The following GABBR2 variants were observed in gnomAD, a reference collection of about 807,000 sequenced individuals.
GABBR2 encodes gamma-aminobutyric acid type B receptor subunit 2.
GABBR2 carries 23 observed loss-of-function variants against 105.6 expected under a neutral mutation model. The observed-to-expected ratio is 0.22, with a 90% confidence interval of 0.16 to 0.31. The LOEUF (loss-of-function observed/expected upper bound fraction) is 0.31, where lower values mean the gene tolerates loss of function less well. Ranked by LOEUF, GABBR2 falls within the 10% of genes least tolerant of loss-of-function variation. The pLI is 1.00. For missense variants in GABBR2, 734 were observed against 1,245.5 expected, an observed-to-expected ratio of 0.59 and a Z score of 6.18; for synonymous variants, 478 against 499.7, an observed-to-expected ratio of 0.96 and a Z score of 0.58.
At chr9:98,655,948 A>G (rs186650404) in intron 1 of GABBR2, among the ~76,000 whole-genome samples, 14 of 152,322 alleles carry the variant, frequency 9.2e-5, no homozygotes, top group Admixed American at 9.1e-4. Context: ...ACAAACCTGC[A>G]TGTTCTGCCC....
chr9:98,316,399 G>T (rs755383260), intron 13 of GABBR2, among the ~76,000 whole-genome samples: 6 of 152,214 alleles, frequency 3.9e-5, no homozygotes, highest in Non-Finnish European at 7.3e-5. Context: ...TGGTCTGCCT[G>T]CCTCAGCCTC....
intron 2 of GABBR2, among the ~76,000 whole-genome samples, chr9:98,564,261 G>T (rs1174052144): frequency 6.6e-6 from 1 of 152,196 alleles, no homozygotes; most frequent in Non-Finnish European, 1.5e-5. Context: ...CCCCAGAGAG[G>T]CCACTCTTAG....
At chr9:98,552,958 C>A (rs115972130) in intron 2 of GABBR2, among the ~76,000 whole-genome samples, 2,349 of 152,176 alleles carry the variant, frequency 0.015, 59 homozygotes, top group African/African-American at 0.053. Flanking sequence ...CTCACTGCAG[C>A]CCGGAACTCT....
chr9:98,503,357 C>A (rs1214431955), intron 3 of GABBR2, among the ~76,000 whole-genome samples: 1 of 152,160 alleles, frequency 6.6e-6, no homozygotes, highest in African/African-American at 2.4e-5. Flanking sequence ...CCTTCCAGTT[C>A]ACGTGAAGGA....
At chr9:98,581,815 C>A (rs1157793708) in intron 1 of GABBR2, among the ~76,000 whole-genome samples, 1 of 152,152 alleles carries the variant, frequency 6.6e-6, no homozygotes, top group Non-Finnish European at 1.5e-5. Flanking sequence ...ATCAAAGTTG[C>A]ATTAAATAAT....
At chr9:98,640,094 A>G (rs1473949923) in intron 1 of GABBR2, among the ~76,000 whole-genome samples, 1 of 148,664 alleles carries the variant, frequency 6.7e-6, no homozygotes, top group Non-Finnish European at 1.5e-5. Context: ...AATAGTTTTT[A>G]AAGTTTTGAG....
At chr9:98,324,071 C>G (rs1401028607) in intron 13 of GABBR2, among the ~76,000 whole-genome samples, 1 of 152,182 alleles carries the variant, frequency 6.6e-6, no homozygotes, top group Non-Finnish European at 1.5e-5. Context: ...TGGGCTGGAA[C>G]TTACCCAAGC....
At chr9:98,707,049 C>T (rs1010288688) in intron 1 of GABBR2, among the ~76,000 whole-genome samples, 3 of 152,238 alleles carry the variant, frequency 2.0e-5, no homozygotes, top group African/African-American at 7.2e-5. Context: ...CCAACTGCCA[C>T]CGGTTCCTTC....
intron 6 of GABBR2, among the ~76,000 whole-genome samples, chr9:98,460,843 C>G (rs1029327814): frequency 6.6e-6 from 1 of 151,954 alleles, no homozygotes; most frequent in South Asian, 2.1e-4. Context: ...AAGTTCACTT[C>G]AGCACAGTGT....
chr9:98,446,085 G>A (rs1385790029), intron 7 of GABBR2, among the ~76,000 whole-genome samples: 1 of 152,176 alleles, frequency 6.6e-6, no homozygotes, highest in African/African-American at 2.4e-5. Flanking sequence ...TTGGTTCTGT[G>A]TGGATAGTAA....
chr9:98,372,355 C>T (rs996196417), intron 11 of GABBR2, among the ~76,000 whole-genome samples: 1 of 152,186 alleles, frequency 6.6e-6, no homozygotes, highest in East Asian at 1.9e-4. Context: ...CAGGTGGGCC[C>T]CACATCATGG....
At position 98,345,054 on chromosome 9, in the gene GABBR2, C is replaced by T. The variant is rs1270374381; in HGVS notation, c.1893+17661G>A. ...ACCCCAGGCAGAAATCTGAGCATTG[C>T]CCTCCCTGCCCCCATATCACTACCC... On this transcript the variant is annotated intron_variant, in intron 13 of 18. Coordinates refer to ENST00000259455, the MANE Select transcript of GABBR2 (RefSeq NM_005458.8). Among the ~76,000 whole-genome samples the T allele has an allele frequency of 2.0e-5, 3 of 152,126 alleles. No homozygotes were observed. In the South Asian group the frequency reaches 6.2e-4, roughly 32 times the overall value.
chr9:98,507,064 T>TTCAAA (rs1304632974), intron 3 of GABBR2, among the ~76,000 whole-genome samples: 1 of 152,102 alleles, frequency 6.6e-6, no homozygotes, highest in Non-Finnish European at 1.5e-5. Flanking sequence ...TGCTCTGGCT[T>TTCAAA]TCAAATCAAA....
rs561990327 is a variant in GABBR2 at position 98,289,366 on chromosome 9, T to A, written c.*1218A>T. On this transcript the variant is annotated 3_prime_UTR_variant, in exon 19 of 19. Transcript: ENST00000259455. ...GTCACGTAGGGAGTGGGCAGGGGAC[T>A]GAGGACTTGAACCCAGGTCTGTCTG... 8.5e-5 allele frequency: 13 copies of A among 152,496 alleles called. No individual in the cohort carries two copies. The highest frequency in any genetic ancestry group is 3.1e-4 in the African/African-American group (13 of 41,416). The allele number at this position is 152,496 out of a possible 1,614,324, so 9.4% of individuals were successfully genotyped here.
At chr9:98,335,300 T>G (rs1280110868) in intron 13 of GABBR2, among the ~76,000 whole-genome samples, 1 of 152,212 alleles carries the variant, frequency 6.6e-6, no homozygotes. Context: ...TCTTTTGTCA[T>G]CATCATCATC....
In GABBR2 at chr9:98,290,463, T is replaced by C. The variant is rs919446683; in HGVS notation, c.*121A>G. 9 of 649,696 alleles carry C rather than the reference T, an allele frequency of 1.4e-5. No homozygotes were observed. Among genetic ancestry groups the C allele is most frequent in the African/African-American group, 1.3e-4 (7 of 52,908 alleles). 40.2% of individuals were successfully genotyped at this position (649,696 alleles called of 1,614,324 possible). A position where few individuals can be genotyped will look rare whatever the true frequency, so the allele number is the denominator to read the frequency against. ...CACCTGAGTGCCATCCGAGTGGTCC[T>C]GAGAGGCCAGCCATGGTGCCCAGCT... On this transcript the variant is annotated 3_prime_UTR_variant, in exon 19 of 19. Transcript: ENST00000259455.
chr9:98,503,166 G>A (rs535362148), intron 3 of GABBR2, among the ~76,000 whole-genome samples: 1 of 152,336 alleles, frequency 6.6e-6, no homozygotes, highest in East Asian at 1.9e-4. Flanking sequence ...CAGGCCAGGA[G>A]GTGGGGCAGG....
intron 2 of GABBR2, among the ~76,000 whole-genome samples, chr9:98,567,225 T>C (rs1828765576): frequency 6.6e-6 from 1 of 152,230 alleles, no homozygotes; most frequent in Non-Finnish European, 1.5e-5. Context: ...CATTGGGAAC[T>C]GATATTACTT....
chr9:98,334,233 T>G (rs774651946), intron 13 of GABBR2, among the ~76,000 whole-genome samples: 30 of 152,184 alleles, frequency 2.0e-4, no homozygotes, highest in Non-Finnish European at 3.7e-4. Flanking sequence ...GTGAAAGAGA[T>G]TTAAGCATTT....
Sources: allele counts gnomAD v4.1 joint callset (sites outside exome capture counted in the v4.1 genomes callset), GRCh38; gene constraint gnomAD v4.1.1; transcripts MANE v1.5; gene names NCBI Gene and HGNC (gene_info 2026-07-23, HGNC 2026-07-21).